The following TOX variants were observed in gnomAD, a reference collection of about 807,000 sequenced individuals.
The protein encoded by TOX is thymocyte selection associated high mobility group box.
A neutral mutation model predicts 53.7 loss-of-function variants in TOX; 11 were observed. The observed-to-expected ratio is 0.20, with a 90% CI of 0.13 to 0.34. The LOEUF (loss-of-function observed/expected upper bound fraction) is 0.34. TOX is among the 10% of genes least tolerant of loss of function. TOX has a pLI of 1.00. For synonymous variants in TOX, 225 were observed against 245.3 expected, an observed-to-expected ratio of 0.92 and a Z score of 0.77; for missense variants, 570 against 664.6, an observed-to-expected ratio of 0.86 and a Z score of 1.56.
intron 3 of TOX, among the ~76,000 whole-genome samples, chr8:58,880,507 G>T (rs1344685840): frequency 6.6e-6 from 1 of 152,214 alleles, no homozygotes; most frequent in Non-Finnish European, 1.5e-5. Context: ...ATAATCATGA[G>T]AGACCAGAGT....
chr8:58,889,967 C>T (rs1488176114), intron 3 of TOX, among the ~76,000 whole-genome samples: 2 of 151,932 alleles, frequency 1.3e-5, no homozygotes. Context: ...TCACACTTTC[C>T]CAGATGGATA....
chr8:58,890,578 G>A (rs1811544918), intron 3 of TOX, among the ~76,000 whole-genome samples: 1 of 152,138 alleles, frequency 6.6e-6, no homozygotes, highest in South Asian at 2.1e-4. Flanking sequence ...GGACGGTAGG[G>A]AGGAAAGGGC....
In TOX at chr8:59,039,734, G is replaced by A. The variant is rs113113770; in HGVS notation, c.102+79152C>T. 8.3e-3 allele frequency among the ~76,000 whole-genome samples: 1,261 copies of A among 152,186 alleles called. 12 individuals are homozygous for A. The highest frequency in any genetic ancestry group is 0.029 in the African/African-American group (1,207 of 41,504). The stretch of plus-strand genomic sequence containing the variant: ...ACATTAAAGAATCCTAAACATTTCT[G>A]TAAATTATTGAAAGAGGCTTGTTTT... On this transcript the variant is annotated intron_variant, in intron 1 of 8. Coordinates refer to ENST00000361421, the MANE Select transcript of TOX (RefSeq NM_014729.3).
At chr8:58,924,404 C>T (rs190144237) in intron 3 of TOX, among the ~76,000 whole-genome samples, 2 of 152,234 alleles carry the variant, frequency 1.3e-5, no homozygotes, top group South Asian at 4.1e-4. Context: ...CACAAATACT[C>T]ACTCGAAGAT....
At chr8:58,950,233 G>A (rs939503758) in intron 2 of TOX, among the ~76,000 whole-genome samples, 2 of 152,014 alleles carry the variant, frequency 1.3e-5, no homozygotes, top group South Asian at 4.2e-4. Context: ...AATTACATGT[G>A]TATAGTTCAT....
chr8:58,963,298 G>GATAGATAT (rs879271027), intron 1 of TOX, among the ~76,000 whole-genome samples: 1 of 81,758 alleles, frequency 1.2e-5, no homozygotes, highest in African/African-American at 4.1e-5. Context: ...ATAGAAGATA[G>GATAGATAT]ATAGATAGAT....
chr8:58,874,947 G>C (rs1232596513), intron 3 of TOX, among the ~76,000 whole-genome samples: 5 of 152,212 alleles, frequency 3.3e-5, no homozygotes, highest in Non-Finnish European at 1.5e-5. Flanking sequence ...TCACAAATTT[G>C]TGTGGGGCCA....
At chr8:59,062,008 A>G (rs1423336736) in intron 1 of TOX, among the ~76,000 whole-genome samples, 1 of 152,174 alleles carries the variant, frequency 6.6e-6, no homozygotes, top group Non-Finnish European at 1.5e-5. Context: ...CTTGTCCTAA[A>G]CATTCCAAGA....
rs368282527 is a variant in TOX at position 58,846,620 on chromosome 8, G to A, written c.693+4904C>T. Among the ~76,000 whole-genome samples the A allele has an allele frequency of 9.3e-4, 142 of 152,234 alleles. 2 individuals are homozygous for A. In the South Asian group the frequency reaches 0.028, roughly 30 times the overall value. Reference sequence around the variant, plus strand: ...AAAAAACCTCCTGCTTCTGTCTAGTGTGGCAGAGCACATGCATTGATGAAC... The same window carrying A: ...AAAAAACCTCCTGCTTCTGTCTAGTATGGCAGAGCACATGCATTGATGAAC... On this transcript the variant is annotated intron_variant, in intron 4 of 8. Transcript: ENST00000361421.
chr8:59,019,945 C>G (rs1307636670), intron 1 of TOX, among the ~76,000 whole-genome samples: 2 of 152,162 alleles, frequency 1.3e-5, no homozygotes, highest in Non-Finnish European at 2.9e-5. Context: ...ACATAGTTCA[C>G]TCTTCAAGAT....
chr8:59,091,851 TTCA>T (rs1270838611), intron 1 of TOX, among the ~76,000 whole-genome samples: 79 of 152,310 alleles, frequency 5.2e-4, no homozygotes, highest in Admixed American at 5.2e-3. Context: ...TCCAGTCACC[TTCA>T]TCTAGATCAA....
chr8:58,863,195 T>C (rs1441707358), intron 3 of TOX, among the ~76,000 whole-genome samples: 1 of 152,176 alleles, frequency 6.6e-6, no homozygotes, highest in African/African-American at 2.4e-5. Context: ...TCTTTCACAT[T>C]TTCAATCTCT....
intron 3 of TOX, among the ~76,000 whole-genome samples, chr8:58,911,216 T>C (rs1811903422): frequency 6.6e-6 from 1 of 152,178 alleles, no homozygotes; most frequent in Non-Finnish European, 1.5e-5. Context: ...TTGAAAGTGT[T>C]GAACAGGAGC....
chr8:58,860,283 T>G (rs1810987506), intron 3 of TOX, among the ~76,000 whole-genome samples: 1 of 152,156 alleles, frequency 6.6e-6, no homozygotes, highest in African/African-American at 2.4e-5. Flanking sequence ...ATTTATTGAG[T>G]GCCTGCTATG....
chr8:58,850,866 T>C (rs1810802259), intron 4 of TOX, among the ~76,000 whole-genome samples: 1 of 152,194 alleles, frequency 6.6e-6, no homozygotes, highest in African/African-American at 2.4e-5. Flanking sequence ...GTTTACAGTT[T>C]AATTTTCCAA....
intron 1 of TOX, among the ~76,000 whole-genome samples, chr8:58,983,106 C>T (rs10504270): frequency 0.067 from 10,219 of 152,256 alleles, 421 homozygotes; most frequent in East Asian, 0.22. Flanking sequence ...AGTATTACTC[C>T]TACATCAGTT....
chr8:58,886,230 C>A (rs1049876262), intron 3 of TOX, among the ~76,000 whole-genome samples: 2 of 152,120 alleles, frequency 1.3e-5, no homozygotes, highest in Non-Finnish European at 2.9e-5. Context: ...CAGCCTACCA[C>A]CCTCATACAT....
chr8:58,897,291 G>A (rs1032378587), intron 3 of TOX, among the ~76,000 whole-genome samples: 1 of 152,078 alleles, frequency 6.6e-6, no homozygotes. Flanking sequence ...CAATGTACCT[G>A]TCCTACAACT....
intron 5 of TOX, among the ~76,000 whole-genome samples, chr8:58,829,404 G>C (rs1386939860): frequency 6.6e-6 from 1 of 152,170 alleles, no homozygotes; most frequent in African/African-American, 2.4e-5. Context: ...GATTGGCTAT[G>C]TGGGATCATC....
Sources: allele counts gnomAD v4.1 joint callset (sites outside exome capture counted in the v4.1 genomes callset), GRCh38; gene constraint gnomAD v4.1.1; transcripts MANE v1.5; gene names NCBI Gene and HGNC (gene_info 2026-07-23, HGNC 2026-07-21).